The following ZNF587B variants were observed in gnomAD, a reference collection of about 807,000 sequenced individuals.
ZNF587B encodes the protein zinc finger protein 587B.
A neutral mutation model predicts 7.2 loss-of-function variants in ZNF587B; 6 were observed. The observed-to-expected ratio is 0.83, with a 90% CI of 0.46 to 1.65. The LOEUF (loss-of-function observed/expected upper bound fraction) is 1.65. ZNF587B is among the 40% of genes most tolerant of loss of function. The pLI is 0.01. For missense variants in ZNF587B, 749 were observed against 761.0 expected (o/e 0.98, Z 0.19); for synonymous variants, 274 against 254.3 (o/e 1.08, Z -0.74).
chr19:57,839,199 C>T, intron 2 of ZNF587B, 50 bp downstream of exon 2: 3 of 1,605,160 alleles, frequency 1.9e-6, no homozygotes, highest in Non-Finnish European at 2.6e-6. Context: ...CTGTTTTCCC[C>T]TGTCTTTCCC....
rs1156653877 is a variant in ZNF587B, at chr19:57,844,803, G to T, written c.*2227G>T. The T allele has an allele frequency of 1.3e-5, 2 of 152,174 alleles. No homozygotes were observed. Among genetic ancestry groups the T allele is most frequent in the Non-Finnish European group, 2.9e-5 (2 of 68,046 alleles). The allele number at this position is 152,174 out of a possible 1,614,324, so 9.4% of individuals were successfully genotyped here. ...GGTATATTGCACTGTGCTCGGTACT[G>T]TTGAGGGAACTCTGTTCAGCAGATC... On this transcript the variant is annotated 3_prime_UTR_variant, in exon 3 of 3. Transcript: ENST00000594901.
At chr19:57,838,659 G>T (rs1370472533) in intron 1 of ZNF587B, among the ~76,000 whole-genome samples, 1 of 152,182 alleles carries the variant, frequency 6.6e-6, no homozygotes, top group Non-Finnish European at 1.5e-5. Context: ...AGAGAGGCCA[G>T]TGGTGTGTGG....
chr19:57,840,977 G>A lies in ZNF587B; in HGVS notation c.303G>A (p.Leu101=), dbSNP rs1295887662. ...CCTGTGAGATGTGTGGCCCGATCTT[G>A]GGAGACATTTTGCATGTGGCAGATC... is the stretch of plus-strand genomic sequence containing the variant. ...AHPCEMCGPI[L]GDILHVADHQ... The change falls in exon 3 of 3, where the codon TTG becomes TTA. Residue 101 remains leucine, a synonymous_variant. Transcript: ENST00000594901. The A allele has an allele frequency of 6.3e-7, 1 of 1,596,226 alleles. No homozygotes were observed. Among genetic ancestry groups the A allele is most frequent in the African/African-American group, 1.4e-5 (1 of 73,966 alleles).
At chr19:57,830,588 C>T (rs1299111324) in intron 1 of ZNF587B, 24 bp downstream of exon 1, 2 of 1,549,318 alleles carry the variant, frequency 1.3e-6, no homozygotes, top group Non-Finnish European at 1.7e-6. Context: ...CTTCCATGCC[C>T]TCAGGTCACC....
Position 57,844,479 on chromosome 19 carries a change from G to T in ZNF587B, c.*1903G>T. 2 of 222,580 alleles carry T rather than the reference G, an allele frequency of 9.0e-6. No individual in the cohort carries two copies. The highest frequency in any genetic ancestry group is 1.9e-5 in the Non-Finnish European group (2 of 107,638). 13.8% of individuals were successfully genotyped at this position (222,580 alleles called of 1,614,324 possible). ...ATCATGCCACTGCACTCCAGCCTGG[G>T]TCCTGCTACCTTGAAGGACAGCATA... On this transcript the variant is annotated 3_prime_UTR_variant, in exon 3 of 3. Coordinates refer to ENST00000594901, the MANE Select transcript of ZNF587B (RefSeq NM_001376223.1).
At chr19:57,839,863 A>G (rs935434378) in intron 2 of ZNF587B, among the ~76,000 whole-genome samples, 40 of 151,970 alleles carry the variant, frequency 2.6e-4, no homozygotes, top group Non-Finnish European at 3.4e-4. Context: ...GGTGGATCAT[A>G]AGGTCAGGAG....
rs1988924388 is a variant in ZNF587B at position 57,843,179 on chromosome 19, T to C, written c.*603T>C. 1 of 617,990 alleles carries C rather than the reference T, an allele frequency of 1.6e-6. No homozygotes were observed. Among genetic ancestry groups the C allele is most frequent in the Non-Finnish European group, 2.0e-6 (1 of 495,124 alleles). The allele number at this position is 617,990 out of a possible 1,614,324, so 38.3% of individuals were successfully genotyped here. On this transcript the variant is annotated 3_prime_UTR_variant, in exon 3 of 3. Transcript: ENST00000594901. ...CTGGCTATTTTCTCATATTAGTAGA[T>C]ATAGGGTTTTACCATGTTTCCAGGC...
At chr19:57,832,139 C>T (rs1436856628) in intron 1 of ZNF587B, among the ~76,000 whole-genome samples, 4 of 151,236 alleles carry the variant, frequency 2.6e-5, no homozygotes, top group East Asian at 2.0e-4. Flanking sequence ...CAGACTGGAG[C>T]GCAGTGGCAC....
chr19:57,841,834 G>T lies in ZNF587B; in HGVS notation c.1160G>T (p.Cys387Phe), dbSNP rs1461144564. The T allele has an allele frequency of 6.2e-7, 1 of 1,612,442 alleles. No homozygotes were observed. ...GTAAGACCTTACAAGTGTGGAGAAT[G>T]TGGGAAATCTTATATTTCAAAGGGG... ...TEVRPYKCGE[C>F]GKSYISKGHL... is the part of the protein sequence containing the mutation. The change falls in exon 3 of 3, where the codon TGT becomes TTT. Residue 387 changes from cysteine (C) to phenylalanine (F), a missense_variant. This residue lies in a region of ZNF587B where 656 missense variants were observed against 596.5 expected (regional missense o/e 1.10). Coordinates refer to ENST00000594901, the MANE Select transcript of ZNF587B (RefSeq NM_001376223.1).
At chr19:57,830,596 A>C (rs540421134) in intron 1 of ZNF587B, 32 bp downstream of exon 1, 1 of 1,548,774 alleles carries the variant, frequency 6.5e-7, no homozygotes, top group Admixed American at 2.0e-5. Context: ...CCCTCAGGTC[A>C]CCTCATCATC....
Position 57,843,909 on chromosome 19 carries a change from T to G in ZNF587B, c.*1333T>G, listed in dbSNP as rs184359979. 1.3e-5 allele frequency among the ~76,000 whole-genome samples: 2 copies of G among 152,074 alleles called. No individual in the cohort carries two copies. Among genetic ancestry groups the G allele is most frequent in the South Asian group, 4.2e-4 (2 of 4,810 alleles). ...CCTCTGCTTCTGGCCTTTTTAAAAA[T>G]TTTTTAAATTTATATTTTTTGTAGA... On this transcript the variant is annotated 3_prime_UTR_variant, in exon 3 of 3. Transcript: ENST00000594901.
chr19:57,838,282 C>T (rs949176942), intron 1 of ZNF587B, among the ~76,000 whole-genome samples: 1 of 146,572 alleles, frequency 6.8e-6, no homozygotes, highest in African/African-American at 2.6e-5. Flanking sequence ...TGCACTCCGT[C>T]TCAAAAAAAA....
chr19:57,841,328 T>G lies in ZNF587B; in HGVS notation c.654T>G (p.Asp218Glu), dbSNP rs532492713. ...GGGGAGCTCACTATAGCCATGGAGA[T>G]TCCATGAAACATTTTAGCACCAAAC... ...QCGGAHYSHG[D>E]SMKHFSTKHI... is the part of the protein sequence containing the mutation. The change falls in exon 3 of 3, where the codon GAT becomes GAG. Residue 218 changes from aspartate to glutamate, a missense_variant. Asp to Glu is a conservative substitution (Grantham distance 45, BLOSUM62 2). Around this residue, in one of 3 missense-constraint regions of ZNF587B, gnomAD observed 656 missense variants for 596.5 expected, o/e 1.10. Transcript: ENST00000594901. 1.2e-6 allele frequency: 2 copies of G among 1,610,112 alleles called. No individual in the cohort carries two copies. The highest frequency in any genetic ancestry group is 8.5e-7 in the Non-Finnish European group (1 of 1,177,844).
chr19:57,840,798 A>G (rs1227311153), intron 2 of ZNF587B, 40 bp from the exon 3 acceptor site: 13 of 1,585,382 alleles, frequency 8.2e-6, no homozygotes, highest in Non-Finnish European at 9.4e-6. Flanking sequence ...CCTTCCCACC[A>G]GAGTTAACAT....
At position 57,832,548 on chromosome 19, in the gene ZNF587B, G is replaced by A. The variant is rs112887009; in HGVS notation, c.36+1984G>A. Among the ~76,000 whole-genome samples, 702 of 152,270 alleles carry A rather than the reference G, an allele frequency of 4.6e-3. 7 individuals are homozygous for A. Among genetic ancestry groups the A allele is most frequent in the African/African-American group, 0.016 (663 of 41,548 alleles). ...TCTGTTTCTCCAGGATTCGTCTTTG[G>A]TGCTTTATTTAGTTTGTTTGGTGAG... On this transcript the variant is annotated intron_variant, in intron 1 of 2. Coordinates refer to ENST00000594901, the MANE Select transcript of ZNF587B (RefSeq NM_001376223.1).
chr19:57,836,956 G>A (rs1418268137), intron 1 of ZNF587B, among the ~76,000 whole-genome samples: 2 of 96,962 alleles, frequency 2.1e-5, no homozygotes, highest in South Asian at 6.2e-4. Flanking sequence ...GTGAGACTCC[G>A]TCATAAAAAA....
Position 57,841,118 on chromosome 19 carries a change from C to T in ZNF587B, c.444C>T (p.Tyr148=), listed in dbSNP as rs112561123. ...HQNEHIGEKP[Y]RGSVEEALFV... is the part of the protein sequence containing the mutation. Reference sequence around the variant, plus strand: ...ATGAGCACATTGGAGAGAAACCCTACAGAGGGAGTGTTGAGGAGGCGTTGT... The same window carrying T: ...ATGAGCACATTGGAGAGAAACCCTATAGAGGGAGTGTTGAGGAGGCGTTGT... Residue 148 remains tyrosine, a synonymous_variant, in exon 3 of 3, where the codon TAC becomes TAT. Coordinates refer to ENST00000594901, the MANE Select transcript of ZNF587B (RefSeq NM_001376223.1). The T allele has an allele frequency of 4.9e-5, 79 of 1,614,060 alleles. No homozygotes were observed. The African/African-American group carries it at 9.2e-4, about 19-fold the overall frequency.
At position 57,830,545 on chromosome 19, in the gene ZNF587B, C is replaced by T; in HGVS notation, c.17C>T (p.Thr6Met). MAVVA[T>M]LRLSAQGTVT... ...CGTGGTTCGATGGCGGTGGTGGCCA[C>T]GCTGAGGCTCTCTGCTCAGGTAATT... The change falls in exon 1 of 3, where the codon ACG (threonine) becomes ATG (methionine). Residue 6 changes from threonine to methionine, a missense_variant. By Grantham distance (81) the Thr-to-Met change is moderately conservative. Transcript: ENST00000594901. The T allele has an allele frequency of 3.9e-6, 6 of 1,549,808 alleles. No individual in the cohort carries two copies. Among genetic ancestry groups the T allele is most frequent in the Non-Finnish European group, 5.2e-6 (6 of 1,147,228 alleles).
chr19:57,830,299 G>T lies in ZNF587B; in HGVS notation c.-230G>T, dbSNP rs1446078884. ...GGCGCCCTCTGGTGGCGGCCATTTT[G>T]ATTGGTGTTGGGTTTATTTGTCGGA... On this transcript the variant is annotated 5_prime_UTR_variant, in exon 1 of 3. Coordinates refer to ENST00000594901, the MANE Select transcript of ZNF587B (RefSeq NM_001376223.1). 2 of 483,728 alleles carry T rather than the reference G, an allele frequency of 4.1e-6. No homozygotes were observed. Among genetic ancestry groups the T allele is most frequent in the African/African-American group, 2.0e-5 (1 of 50,720 alleles). The allele number at this position is 483,728 out of a possible 1,614,324, so 30.0% of individuals were successfully genotyped here.
Sources: allele counts gnomAD v4.1 joint callset (sites outside exome capture counted in the v4.1 genomes callset), GRCh38; gene constraint gnomAD v4.1.1; regional missense constraint gnomAD v4.1.1; transcripts MANE v1.5; gene names NCBI Gene and HGNC (gene_info 2026-07-23, HGNC 2026-07-21).